The following NFX1 variants were observed in gnomAD, a reference collection of about 807,000 sequenced individuals.
NFX1 encodes nuclear transcription factor, X-box binding 1.
Under a neutral mutation model 137.2 loss-of-function variants are expected in NFX1, and 69 were observed. The observed-to-expected ratio is 0.50, with a 90% CI of 0.41 to 0.61. NFX1 has a LOEUF of 0.61. Among genes scored for constraint, NFX1 ranks in the 20% least tolerant of loss-of-function variants. NFX1 has a pLI of 0.00. For missense variants in NFX1, 1,167 were observed against 1,391.0 expected (o/e 0.84, Z 2.56); for synonymous variants, 495 against 474.1 (o/e 1.04, Z -0.57).
chr9:33,339,013 G>T (rs1044950792), intron 12 of NFX1, among the ~76,000 whole-genome samples: 2 of 151,888 alleles, frequency 1.3e-5, no homozygotes, highest in African/African-American at 4.8e-5. Context: ...TTTTTAAAAA[G>T]ATTTTTTAAA....
intron 3 of NFX1, among the ~76,000 whole-genome samples, chr9:33,302,706 G>C (rs1821616010): frequency 6.6e-6 from 1 of 150,726 alleles, no homozygotes; most frequent in South Asian, 2.1e-4. Flanking sequence ...GTCTCACTCT[G>C]TTGCCCAGGC....
intron 5 of NFX1, among the ~76,000 whole-genome samples, chr9:33,309,240 C>T (rs757233908): frequency 1.3e-5 from 2 of 151,952 alleles, no homozygotes; most frequent in Non-Finnish European, 2.9e-5. Context: ...ACCTGTAGTC[C>T]CACCTACTGG....
chr9:33,356,898 G>A (rs993579750), intron 19 of NFX1, among the ~76,000 whole-genome samples: 1 of 151,762 alleles, frequency 6.6e-6, no homozygotes, highest in Non-Finnish European at 1.5e-5. Context: ...GGCTTGAGGT[G>A]GGAAGATTGC....
intron 1 of NFX1, among the ~76,000 whole-genome samples, 166 bp downstream of exon 1, chr9:33,290,763 CTG>C (rs1821127987): frequency 6.6e-6 from 1 of 152,244 alleles, no homozygotes; most frequent in South Asian, 2.1e-4. Context: ...GTACGAAGAT[CTG>C]TGTCTTCTTG....
chr9:33,342,665 G>A (rs980111591), intron 12 of NFX1, 81 bp from the exon 13 acceptor site: 15 of 960,886 alleles, frequency 1.6e-5, no homozygotes, highest in Non-Finnish European at 2.2e-5. Flanking sequence ...GTAGAGCTTT[G>A]TTTTTATTAA....
chr9:33,362,692 GTTTTTTTTT>G (rs750544815), intron 19 of NFX1, among the ~76,000 whole-genome samples: 153 of 96,334 alleles, frequency 1.6e-3, no homozygotes, highest in Non-Finnish European at 2.3e-3. Flanking sequence ...AGTTCCTGTG[GTTTTTTTTT>G]TTTTTTTTTT....
At chr9:33,293,442 T>G (rs1261431771) in intron 1 of NFX1, among the ~76,000 whole-genome samples, 4 of 152,214 alleles carry the variant, frequency 2.6e-5, no homozygotes, top group African/African-American at 9.6e-5. Flanking sequence ...TTGTGTGTGT[T>G]ATTAACTTGC....
chr9:33,327,870 A>G (rs2118461685), intron 9 of NFX1, among the ~76,000 whole-genome samples: 1 of 152,298 alleles, frequency 6.6e-6, no homozygotes, highest in African/African-American at 2.4e-5. Context: ...ACTGTGGATC[A>G]TGGCTTCTGA....
chr9:33,295,729 C>T (rs1407633219), intron 2 of NFX1, among the ~76,000 whole-genome samples: 1 of 151,850 alleles, frequency 6.6e-6, no homozygotes, highest in Non-Finnish European at 1.5e-5. Context: ...TGTCTGGTTA[C>T]AAGATTTTTT....
chr9:33,302,658 T>C (rs897099939), intron 3 of NFX1, among the ~76,000 whole-genome samples: 4 of 147,782 alleles, frequency 2.7e-5, no homozygotes, highest in African/African-American at 1.0e-4. Flanking sequence ...TAGCTAGTGG[T>C]TTTTTTTTGT....
chr9:33,351,930 T>G, intron 16 of NFX1, 140 bp downstream of exon 16: 2 of 765,638 alleles, frequency 2.6e-6, no homozygotes, highest in Non-Finnish European at 3.9e-6. Flanking sequence ...TAGAGAAAGG[T>G]AGAGTAAGTC....
chr9:33,313,420 C>T (rs943599650), intron 6 of NFX1, among the ~76,000 whole-genome samples: 15 of 149,884 alleles, frequency 1.0e-4, no homozygotes, highest in African/African-American at 3.4e-4. Flanking sequence ...GAGACCCTGT[C>T]TCTATTTAAA....
intron 2 of NFX1, among the ~76,000 whole-genome samples, chr9:33,300,096 C>T (rs532147014): frequency 2.9e-5 from 3 of 103,952 alleles, no homozygotes; most frequent in South Asian, 6.5e-4. Flanking sequence ...TTTTTTGAGA[C>T]GGAGTCTCAC....
chr9:33,293,030 C>T (rs1821219105), intron 1 of NFX1, among the ~76,000 whole-genome samples: 1 of 152,182 alleles, frequency 6.6e-6, no homozygotes, highest in African/African-American at 2.4e-5. Flanking sequence ...CAGGACAAAT[C>T]CTGAATTGGG....
Position 33,352,634 on chromosome 9 carries a change from A to G in NFX1, c.2656-12A>G. 6.2e-7 allele frequency: 1 copy of G among 1,613,762 alleles called. No homozygotes were observed. The highest frequency in any genetic ancestry group is 8.5e-7 in the Non-Finnish European group (1 of 1,179,612). ...GTGTGCTAAAAGTCGTTCCATGTTC[A>G]TCTGACTTCAGGTAGAGCTACAGTG... On this transcript the variant is annotated splice_polypyrimidine_tract_variant and intron_variant, in intron 16 of 23. Coordinates refer to ENST00000379540, the MANE Select transcript of NFX1 (RefSeq NM_002504.6).
intron 21 of NFX1, among the ~76,000 whole-genome samples, chr9:33,366,349 A>G (rs1388573479): frequency 6.6e-6 from 1 of 152,182 alleles, no homozygotes; most frequent in African/African-American, 2.4e-5. Context: ...ATCAGGAAGA[A>G]CCATTATGCT....
chr9:33,341,670 C>T (rs1823227496), intron 12 of NFX1, among the ~76,000 whole-genome samples: 1 of 152,184 alleles, frequency 6.6e-6, no homozygotes, highest in Admixed American at 6.5e-5. Flanking sequence ...GTGGCTCACA[C>T]CTGTAATTCC....
At chr9:33,344,311 G>C in intron 14 of NFX1, 123 bp downstream of exon 14, 6 of 1,385,260 alleles carry the variant, frequency 4.3e-6, no homozygotes, top group Non-Finnish European at 5.0e-6. Flanking sequence ...TCCCGGCTCA[G>C]GGGCTGGTTC....
At chr9:33,293,057 G>T (rs1387369243) in intron 1 of NFX1, among the ~76,000 whole-genome samples, 1 of 152,200 alleles carries the variant, frequency 6.6e-6, no homozygotes, top group Non-Finnish European at 1.5e-5. Flanking sequence ...GTTACTCTAT[G>T]ACCTTTATGA....
Sources: gnomAD v4.1 joint callset for allele counts (sites outside exome capture counted in the v4.1 genomes callset) on GRCh38, gnomAD v4.1.1 for gene constraint, MANE v1.5 for transcripts, NCBI Gene and HGNC (gene_info 2026-07-23, HGNC 2026-07-21) for gene names.